Variants in PCNX2 observed in about 807,000 individuals in gnomAD.
The protein encoded by PCNX2 is pecanex 2, also known as pecanex-like protein 2.
A neutral mutation model predicts 223.8 loss-of-function variants in PCNX2; 168 were observed. That is an observed-to-expected ratio of 0.75 (90% CI 0.66 to 0.85). The LOEUF (loss-of-function observed/expected upper bound fraction) is 0.85, where lower values mean the gene tolerates loss of function less well. PCNX2 is among the 40% of genes least tolerant of loss of function. PCNX2 has a pLI of 0.00. For synonymous variants in PCNX2, 1,006 were observed against 1,052.6 expected (o/e 0.96, Z 0.86); for missense variants, 2,507 against 2,675.5 (o/e 0.94, Z 1.39).
chr1:233,172,945 G>A (rs1679244593), intron 17 of PCNX2, among the ~76,000 whole-genome samples: 1 of 152,082 alleles, frequency 6.6e-6, no homozygotes, highest in Non-Finnish European at 1.5e-5. Flanking sequence ...TTACATTGGT[G>A]TCTGGCGAGG....
At chr1:233,041,796 T>C (rs1671654163) in intron 25 of PCNX2, among the ~76,000 whole-genome samples, 1 of 152,202 alleles carries the variant, frequency 6.6e-6, no homozygotes, top group Admixed American at 6.5e-5. Flanking sequence ...TATGTGTGAA[T>C]AATTATAAGA....
intron 17 of PCNX2, among the ~76,000 whole-genome samples, chr1:233,169,607 T>A (rs1488339669): frequency 1.2e-4 from 17 of 142,038 alleles, no homozygotes; most frequent in Non-Finnish European, 1.5e-4. Context: ...ATCGCGCCAC[T>A]GCACTCCAGC....
intron 25 of PCNX2, chr1:233,032,032 A>T: frequency 1.0e-6 from 1 of 983,284 alleles, no homozygotes; most frequent in African/African-American, 1.7e-5. Flanking sequence ...GGCTTGCTGT[A>T]CATTAATAAT....
At chr1:233,325,706 A>C in the PCNX2 span, among the ~76,000 whole-genome samples, 12 of 152,230 alleles carry the variant, frequency 7.9e-5, no homozygotes, top group African/African-American at 2.9e-4. Flanking sequence ...GTTGCTTCTT[A>C]TGGAGAGGCA....
chr1:233,055,201 G>A (rs1301154263), intron 24 of PCNX2, among the ~76,000 whole-genome samples: 4 of 152,198 alleles, frequency 2.6e-5, no homozygotes, highest in Non-Finnish European at 5.9e-5. Flanking sequence ...CAGGACTGCT[G>A]TTCTCCAAAG....
Position 233,184,036 on chromosome 1 carries a change from CA to C in PCNX2, c.3067-4862del, listed in dbSNP as rs796515077. On this transcript the variant is annotated intron_variant, in intron 15 of 33. Transcript: ENST00000258229. ...TACACAATAAACACAAAACGTTTTC[CA>C]AAGAAGAAGAACCTGCTAACTTCTA... Among the ~76,000 whole-genome samples the C allele has an allele frequency of 3.3e-4, 51 of 152,306 alleles. 2 individuals carry two copies. Among genetic ancestry groups the C allele is most frequent in the African/African-American group, 1.2e-3 (50 of 41,564 alleles).
intron 25 of PCNX2, among the ~76,000 whole-genome samples, chr1:233,026,861 A>AT (rs947391400): frequency 6.6e-6 from 1 of 152,158 alleles, no homozygotes; most frequent in Non-Finnish European, 1.5e-5. Flanking sequence ...CAAAATGGAG[A>AT]TGTCAGGGAG....
At chr1:233,292,022 C>T (rs761850913) in intron 1 of PCNX2, 6 of 974,936 alleles carry the variant, frequency 6.2e-6, no homozygotes, top group Non-Finnish European at 7.3e-6. Flanking sequence ...CAAATATATA[C>T]ATAGTTTATA....
intron 4 of PCNX2, among the ~76,000 whole-genome samples, chr1:233,259,589 G>A (rs1659940237): frequency 6.6e-6 from 1 of 152,130 alleles, no homozygotes; most frequent in Admixed American, 6.5e-5. Context: ...AGCCCTGCAT[G>A]CATTAGGTAT....
chr1:233,290,390 A>T (rs964332288), intron 1 of PCNX2, among the ~76,000 whole-genome samples: 1 of 152,336 alleles, frequency 6.6e-6, no homozygotes, highest in Middle Eastern at 3.4e-3. Flanking sequence ...GGACAAATGG[A>T]TAGAAAGGTG....
intron 21 of PCNX2, among the ~76,000 whole-genome samples, chr1:233,119,632 A>G (rs1571902693): frequency 1.3e-5 from 2 of 151,746 alleles, no homozygotes; most frequent in Admixed American, 1.3e-4. Context: ...AAAAAACGAA[A>G]AAATGGCTTA....
chr1:233,182,190 G>T (rs1679840698), intron 15 of PCNX2, among the ~76,000 whole-genome samples: 2 of 152,164 alleles, frequency 1.3e-5, no homozygotes, highest in Admixed American at 1.3e-4. Context: ...TGTAACCCAG[G>T]TGATTTAAGT....
chr1:233,246,495 CT>C (rs1241736431), intron 8 of PCNX2, among the ~76,000 whole-genome samples: 2 of 152,194 alleles, frequency 1.3e-5, no homozygotes, highest in East Asian at 3.9e-4. Flanking sequence ...GTTTCCTTAT[CT>C]GTAAAACAGA....
At chr1:233,202,960 G>A (rs1281292349) in intron 13 of PCNX2, among the ~76,000 whole-genome samples, 1 of 152,206 alleles carries the variant, frequency 6.6e-6, no homozygotes, top group Non-Finnish European at 1.5e-5. Context: ...CGGTAGGGCA[G>A]CTCTAACCCA....
At chr1:233,160,109 C>T (rs963099703) in intron 19 of PCNX2, 174 bp downstream of exon 19, 27 of 664,764 alleles carry the variant, frequency 4.1e-5, no homozygotes, top group African/African-American at 2.4e-4. Context: ...CTAAGGTACA[C>T]GTTCTCCTTT....
In PCNX2 at chr1:232,986,272, G is replaced by A; in HGVS notation, c.6060C>T (p.Ser2020=). 1.3e-6 allele frequency: 2 copies of A among 1,562,636 alleles called. No individual in the cohort carries two copies. Among genetic ancestry groups the A allele is most frequent in the Non-Finnish European group, 1.7e-6 (2 of 1,153,794 alleles). The change falls in exon 33 of 34, where the codon AGC becomes AGT. Residue 2020 remains serine, a synonymous_variant. Coordinates refer to ENST00000258229, the MANE Select transcript of PCNX2 (RefSeq NM_014801.4). ...RERAEALIRS[S]LGSSTSSTLS... is the part of the protein sequence containing the mutation. ...GGGTGGAGCTGGTGGAGGAGCCCAG[G>A]CTGGACCTGATGAGCGCCTCGGCCC...
intron 21 of PCNX2, among the ~76,000 whole-genome samples, chr1:233,133,011 G>A (rs878979115): frequency 6.7e-6 from 1 of 148,492 alleles, no homozygotes; most frequent in East Asian, 2.0e-4. Context: ...CAATTCCCCT[G>A]CCTCAGCCTC....
At chr1:233,031,447 A>C (rs1208684141) in intron 25 of PCNX2, among the ~76,000 whole-genome samples, 1 of 152,242 alleles carries the variant, frequency 6.6e-6, no homozygotes, top group Non-Finnish European at 1.5e-5. Context: ...CTCTGTCTGA[A>C]CAGGCACCAA....
intron 1 of PCNX2, among the ~76,000 whole-genome samples, chr1:233,287,447 C>CT (rs1661510841): frequency 6.6e-6 from 1 of 152,152 alleles, no homozygotes; most frequent in Non-Finnish European, 1.5e-5. Context: ...TGAGGCAGGT[C>CT]TTTCCTATTC....
Sources: gnomAD v4.1 joint callset for allele counts (sites outside exome capture counted in the v4.1 genomes callset) on GRCh38, gnomAD v4.1.1 for gene constraint, MANE v1.5 for transcripts, NCBI Gene and HGNC (gene_info 2026-07-23, HGNC 2026-07-21) for gene names.